ATP2B4: variants seen among roughly 807,000 people sequenced by gnomAD.
ATP2B4 encodes ATPase plasma membrane Ca2+ transporting 4.
Under a neutral mutation model 110.3 loss-of-function variants are expected in ATP2B4, and 39 were observed. The ratio of observed to expected loss-of-function variants is 0.35; its 90% CI spans 0.27 to 0.46. The LOEUF is 0.46. ATP2B4 is among the 20% of genes least tolerant of loss of function. The pLI is 1.00. For synonymous variants in ATP2B4, 538 were observed against 571.7 expected, an observed-to-expected ratio of 0.94 and a Z score of 0.84; for missense variants, 1,135 against 1,530.9, an observed-to-expected ratio of 0.74 and a Z score of 4.32.
At chr1:203,632,377 T>C (rs565320479) in intron 1 of ATP2B4, among the ~76,000 whole-genome samples, 1 of 151,062 alleles carries the variant, frequency 6.6e-6, no homozygotes, top group Non-Finnish European at 1.5e-5. Context: ...AGAGTCTCGC[T>C]CTGTTGCCCA....
intron 9 of ATP2B4, 125 bp from the exon 10 acceptor site, chr1:203,707,737 T>C: frequency 7.4e-7 from 1 of 1,351,692 alleles, no homozygotes; most frequent in South Asian, 1.3e-5. Context: ...AGTCAGTATC[T>C]TGGATTTTTG....
intron 20 of ATP2B4, among the ~76,000 whole-genome samples, chr1:203,731,678 T>C (rs1301459171): frequency 1.3e-5 from 2 of 150,356 alleles, no homozygotes; most frequent in Non-Finnish European, 2.9e-5. Context: ...GGTGAAACTC[T>C]GTCTCTACTA....
chr1:203,722,388 G>A lies in ATP2B4; in HGVS notation c.2813-90G>A. 9 of 1,022,166 alleles carry A rather than the reference G, an allele frequency of 8.8e-6. No homozygotes were observed. In the South Asian group the frequency reaches 1.3e-4, roughly 14 times the overall value. 63.3% of individuals were successfully genotyped at this position (1,022,166 alleles called of 1,614,324 possible). ...TATTGATTAATTAGAATGGACACCA[G>A]CCATAAGCAAGCAGTATATCTGTAC... On this transcript the variant is annotated intron_variant, in intron 17 of 20. Coordinates refer to ENST00000357681, the MANE Select transcript of ATP2B4 (RefSeq NM_001684.5).
rs1204287614 is a variant in ATP2B4, at chr1:203,720,754, G to A, written c.2598+14G>A. On this transcript the variant is annotated intron_variant, in intron 16 of 20. Transcript: ENST00000357681. ...TGTATCACTCAGGTGAAGGGGGTGT[G>A]GGTGGGCTGAGACGGGAGGGATGAG... The A allele has an allele frequency of 3.1e-6, 5 of 1,605,486 alleles. No homozygotes were observed. The East Asian group carries it at 6.7e-5, about 21-fold the overall frequency.
intron 20 of ATP2B4, among the ~76,000 whole-genome samples, chr1:203,734,472 C>T (rs566986973): frequency 7.2e-5 from 11 of 152,150 alleles, no homozygotes; most frequent in African/African-American, 2.4e-4. Flanking sequence ...TTTAGGAGGC[C>T]GAGGTGGGCG....
At chr1:203,693,653 G>A (rs1006554421) in intron 2 of ATP2B4, among the ~76,000 whole-genome samples, 3 of 152,156 alleles carry the variant, frequency 2.0e-5, no homozygotes, top group Non-Finnish European at 4.4e-5. Context: ...TGAACCTGAT[G>A]GCGATGTTAC....
chr1:203,692,425 C>T (rs1171507398), intron 2 of ATP2B4, among the ~76,000 whole-genome samples: 1 of 152,188 alleles, frequency 6.6e-6, no homozygotes, highest in African/African-American at 2.4e-5. Flanking sequence ...GCTATCCTCC[C>T]ACCTTGGCCT....
chr1:203,679,055 T>C (rs1558029963), intron 1 of ATP2B4, among the ~76,000 whole-genome samples: 2 of 152,184 alleles, frequency 1.3e-5, no homozygotes, highest in African/African-American at 2.4e-5. Flanking sequence ...AGCTCTTCTA[T>C]CCTATCATCT....
In ATP2B4 at chr1:203,713,071, A is replaced by G. The variant is rs1666058612; in HGVS notation, c.2212-94A>G. 3 of 1,345,140 alleles carry G rather than the reference A, an allele frequency of 2.2e-6. No homozygotes were observed. The East Asian group carries it at 6.9e-5, about 31-fold the overall frequency. The allele number at this position is 1,345,140 out of a possible 1,614,324, so 83.3% of individuals were successfully genotyped here. On this transcript the variant is annotated intron_variant, in intron 13 of 20. Coordinates refer to ENST00000357681, the MANE Select transcript of ATP2B4 (RefSeq NM_001684.5). ...TTCATGTGGGACTGTGGTGTACCCA[A>G]TCTCCCAGTGACTCCAAGTGTATGG...
At chr1:203,733,558 C>G in intron 20 of ATP2B4, 1 of 648,684 alleles carries the variant, frequency 1.5e-6, no homozygotes, top group East Asian at 3.0e-5. Flanking sequence ...ACTCTAAAAC[C>G]AGACTGTGTG....
At chr1:203,654,367 A>T (rs956294318) in intron 1 of ATP2B4, among the ~76,000 whole-genome samples, 1 of 152,228 alleles carries the variant, frequency 6.6e-6, no homozygotes, top group African/African-American at 2.4e-5. Context: ...CTGGTCACCC[A>T]GGATCTCTGA....
intron 20 of ATP2B4, among the ~76,000 whole-genome samples, chr1:203,737,040 C>T (rs1666894705): frequency 6.6e-6 from 1 of 152,204 alleles, no homozygotes; most frequent in Non-Finnish European, 1.5e-5. Context: ...AGCTGGATGA[C>T]TGTTTCTTGC....
chr1:203,686,061 C>T (rs1040329055), intron 2 of ATP2B4, among the ~76,000 whole-genome samples: 2 of 151,764 alleles, frequency 1.3e-5, no homozygotes, highest in Non-Finnish European at 2.9e-5. Flanking sequence ...TCATGTGGCT[C>T]AGTCTTTGCC....
intron 8 of ATP2B4, among the ~76,000 whole-genome samples, chr1:203,705,166 A>G (rs967136406): frequency 2.0e-5 from 3 of 152,284 alleles, no homozygotes; most frequent in Non-Finnish European, 4.4e-5. Flanking sequence ...ATTGGACAGC[A>G]TAAATAGAGA....
chr1:203,651,891 C>T (rs1483416783), intron 1 of ATP2B4, among the ~76,000 whole-genome samples: 1 of 150,944 alleles, frequency 6.6e-6, no homozygotes, highest in African/African-American at 2.4e-5. Context: ...AACCCCGTCT[C>T]TACTAAAAAT....
chr1:203,739,440 T>C, intron 20 of ATP2B4, 106 bp from the exon 21 acceptor site: 1 of 1,161,206 alleles, frequency 8.6e-7, no homozygotes, highest in Non-Finnish European at 1.2e-6. Context: ...CAGTCATGTT[T>C]TATAGTCTGG....
At chr1:203,643,145 G>A (rs779132465) in intron 1 of ATP2B4, among the ~76,000 whole-genome samples, 3 of 152,184 alleles carry the variant, frequency 2.0e-5, no homozygotes, top group African/African-American at 2.4e-5. Flanking sequence ...CCATGAGACA[G>A]GTTACCCTCT....
chr1:203,707,139 C>T lies in ATP2B4; in HGVS notation c.1230C>T (p.Phe410=), dbSNP rs756964629. 1.2e-6 allele frequency: 2 copies of T among 1,614,186 alleles called. No homozygotes were observed. The highest frequency in any genetic ancestry group is 3.3e-5 in the Admixed American group (2 of 60,026). The part of the protein sequence containing the change: ...PIYIQYFVKF[F]IIGITVLVVA... Reference sequence around the variant, plus strand: ...ACATCCAGTACTTTGTCAAGTTCTTCATCATCGGCATCACTGTACTGGTGG... The same window carrying T: ...ACATCCAGTACTTTGTCAAGTTCTTTATCATCGGCATCACTGTACTGGTGG... The change falls in exon 9 of 21, where the codon TTC becomes TTT. Residue 410 remains phenylalanine (F), a synonymous_variant. Transcript: ENST00000357681.
At chr1:203,677,386 G>C (rs1405981596) in intron 1 of ATP2B4, among the ~76,000 whole-genome samples, 1 of 152,164 alleles carries the variant, frequency 6.6e-6, no homozygotes, top group African/African-American at 2.4e-5. Flanking sequence ...GGGAGAAGTA[G>C]AGCCTCGCTT....
Sources: gnomAD v4.1 joint callset for allele counts (sites outside exome capture counted in the v4.1 genomes callset) on GRCh38, gnomAD v4.1.1 for gene constraint, MANE v1.5 for transcripts, NCBI Gene and HGNC (gene_info 2026-07-23, HGNC 2026-07-21) for gene names.